SPEF2: variants seen among roughly 807,000 people sequenced by gnomAD.
SPEF2 encodes the protein sperm flagellar and cilia associated 2, also known as sperm flagella and cilia-associated protein 2.
SPEF2 carries 187 observed loss-of-function variants against 224.6 expected under a neutral mutation model. That is an observed-to-expected ratio of 0.83 (90% CI 0.74 to 0.94). The LOEUF (loss-of-function observed/expected upper bound fraction) is 0.94, where lower values mean the gene tolerates loss of function less well. Ranked by LOEUF, SPEF2 falls within the 40% of genes least tolerant of loss-of-function variation. The pLI, the probability that SPEF2 is intolerant of heterozygous loss-of-function variation, is 0.00. For missense variants in SPEF2, 2,170 were observed against 2,135.6 expected (o/e 1.02, Z -0.32); for synonymous variants, 715 against 707.3 (o/e 1.01, Z -0.17).
chr5:35,677,817 T>TG (rs1415086820), intron 10 of SPEF2, among the ~76,000 whole-genome samples: 1 of 152,244 alleles, frequency 6.6e-6, no homozygotes, highest in Admixed American at 6.5e-5. Flanking sequence ...TCTCCCAGAA[T>TG]GGCTTAGTGT....
intron 23 of SPEF2, among the ~76,000 whole-genome samples, chr5:35,745,882 T>G (rs1417283205): frequency 2.6e-5 from 4 of 152,118 alleles, no homozygotes; most frequent in African/African-American, 9.7e-5. Context: ...AAATAGACCA[T>G]TAAACCATCA....
chr5:35,800,137 G>A lies in SPEF2; in HGVS notation c.5000G>A (p.Ser1667Asn), dbSNP rs1278257053. The change falls in exon 34 of 37, where the codon AGT becomes AAT. Residue 1667 changes from serine (S) to asparagine (N), a missense_variant. Coordinates refer to ENST00000356031, the MANE Select transcript of SPEF2 (RefSeq NM_024867.4). ...CAACAAGTCAAAGCTTCCATTCCAA[G>A]TGCAGAAAAGGTAATTGCATTCCAG... ...VFQQVKASIP[S>N]AEKTSSTDAG... 3 of 1,614,070 alleles carry A rather than the reference G, an allele frequency of 1.9e-6. No homozygotes were observed. The highest frequency in any genetic ancestry group is 2.2e-5 in the South Asian group (2 of 91,060).
chr5:35,687,852 A>G (rs530136828), intron 10 of SPEF2, among the ~76,000 whole-genome samples: 1 of 152,260 alleles, frequency 6.6e-6, no homozygotes, highest in Non-Finnish European at 1.5e-5. Context: ...AGCTTTCTAT[A>G]TACAGAATCT....
rs11952663 is a variant in SPEF2 at position 35,811,619 on chromosome 5, G to T, written c.5380-2845G>T. Among the ~76,000 whole-genome samples, 10 of 151,316 alleles carry T rather than the reference G, an allele frequency of 6.6e-5. No homozygotes were observed. In the East Asian group the frequency reaches 9.7e-4, roughly 15 times the overall value. ...AATGATCATAGTCACCTCATGGTGGGGGGGGTGGGGTTTGTACAAATTAAA... is the reference window on the plus strand; with the variant it reads ...AATGATCATAGTCACCTCATGGTGGTGGGGGTGGGGTTTGTACAAATTAAA... On this transcript the variant is annotated intron_variant, in intron 36 of 36. Transcript: ENST00000356031.
intron 23 of SPEF2, among the ~76,000 whole-genome samples, chr5:35,746,274 G>A (rs143785970): frequency 4.6e-5 from 7 of 152,108 alleles, no homozygotes; most frequent in African/African-American, 7.2e-5. Context: ...CTTTAACACC[G>A]TGAAAAAATC....
chr5:35,680,902 T>G (rs529461812), intron 10 of SPEF2, among the ~76,000 whole-genome samples: 33 of 152,310 alleles, frequency 2.2e-4, no homozygotes, highest in Admixed American at 3.3e-4. Context: ...TCCAGACTTT[T>G]TCAATAACCT....
chr5:35,735,515 G>T (rs1746438494), intron 21 of SPEF2, among the ~76,000 whole-genome samples: 1 of 152,200 alleles, frequency 6.6e-6, no homozygotes, highest in African/African-American at 2.4e-5. Flanking sequence ...AGGCTGCCTT[G>T]AAATTCTGTG....
At chr5:35,757,290 A>C (rs1460174393) in intron 24 of SPEF2, among the ~76,000 whole-genome samples, 1 of 152,048 alleles carries the variant, frequency 6.6e-6, no homozygotes, top group African/African-American at 2.4e-5. Flanking sequence ...TTTATATAAG[A>C]TAATCACTAT....
intron 15 of SPEF2, chr5:35,699,041 AG>A (rs1755745725): frequency 6.6e-6 from 1 of 152,210 alleles, no homozygotes. Context: ...ACCTAATGAG[AG>A]AAATATAGAC....
intron 15 of SPEF2, 143 bp from the exon 16 acceptor site, chr5:35,700,353 C>A: frequency 1.3e-6 from 1 of 747,150 alleles, no homozygotes; most frequent in Non-Finnish European, 2.1e-6. Context: ...CATCAGTAAA[C>A]CTAATCTTTT....
intron 16 of SPEF2, among the ~76,000 whole-genome samples, chr5:35,704,192 A>T (rs924093394): frequency 6.6e-6 from 1 of 151,748 alleles, no homozygotes; most frequent in Non-Finnish European, 1.5e-5. Flanking sequence ...TTGACGTTCC[A>T]GCCACCTTGT....
intron 33 of SPEF2, 91 bp from the exon 34 acceptor site, chr5:35,799,877 C>T: frequency 7.1e-7 from 1 of 1,416,556 alleles, no homozygotes; most frequent in Non-Finnish European, 9.7e-7. Context: ...CAACCTTATT[C>T]CAAAGCTCCT....
intron 23 of SPEF2, among the ~76,000 whole-genome samples, chr5:35,749,406 T>C (rs766982798): frequency 6.6e-6 from 1 of 152,078 alleles, no homozygotes; most frequent in Non-Finnish European, 1.5e-5. Context: ...AAAGAGGAAG[T>C]CAAACTGTTC....
At chr5:35,679,895 A>T (rs1236389785) in intron 10 of SPEF2, among the ~76,000 whole-genome samples, 1 of 152,164 alleles carries the variant, frequency 6.6e-6, no homozygotes, top group Non-Finnish European at 1.5e-5. Context: ...ACTTGGAAAA[A>T]CTATTTACAA....
chr5:35,764,579 A>G (rs1279174259), intron 26 of SPEF2: 2 of 456,180 alleles, frequency 4.4e-6, no homozygotes, highest in East Asian at 7.0e-5. Flanking sequence ...TTTTCACAAC[A>G]TGCCAAGCCT....
At chr5:35,692,489 A>G in intron 11 of SPEF2, 81 bp from the exon 12 acceptor site, 2 of 1,095,750 alleles carry the variant, frequency 1.8e-6, no homozygotes, top group Non-Finnish European at 1.3e-6. Context: ...ACAGTGTTAT[A>G]GGACAAAACC....
At chr5:35,711,299 TTTG>T (rs1457783927) in intron 19 of SPEF2, among the ~76,000 whole-genome samples, 2 of 151,896 alleles carry the variant, frequency 1.3e-5, no homozygotes, top group African/African-American at 4.8e-5. Context: ...ATTTTGTTAT[TTTG>T]TTAAAATTTT....
chr5:35,695,192 A>G (rs180672461), intron 13 of SPEF2, among the ~76,000 whole-genome samples: 5 of 151,802 alleles, frequency 3.3e-5, no homozygotes, highest in Admixed American at 1.3e-4. Context: ...TTTTAAAACT[A>G]TTATAAGTGT....
At chr5:35,788,668 T>A (rs1191673452) in intron 30 of SPEF2, 2 of 702,786 alleles carry the variant, frequency 2.8e-6, no homozygotes, top group African/African-American at 3.5e-5. Flanking sequence ...AGCTGGTTGG[T>A]TTTGGAAGTG....
Sources: gnomAD v4.1 joint callset for allele counts (sites outside exome capture counted in the v4.1 genomes callset) on GRCh38, gnomAD v4.1.1 for gene constraint, MANE v1.5 for transcripts, NCBI Gene and HGNC (gene_info 2026-07-23, HGNC 2026-07-21) for gene names.